The following CDK11B variants were observed in gnomAD, a reference collection of about 807,000 sequenced individuals.
CDK11B encodes cyclin-dependent kinase 11B.
CDK11B carries 37 observed loss-of-function variants against 84.0 expected under a neutral mutation model. The ratio of observed to expected loss-of-function variants is 0.44; its 90% CI spans 0.34 to 0.58. The LOEUF (loss-of-function observed/expected upper bound fraction) is 0.58, where lower values mean the gene tolerates loss of function less well. Ranked by LOEUF, CDK11B falls within the 20% of genes least tolerant of loss-of-function variation. The pLI is 0.02. For missense variants in CDK11B, 427 were observed against 834.0 expected (o/e 0.51, Z 6.01); for synonymous variants, 269 against 309.8 (o/e 0.87, Z 1.38).
intron 9 of CDK11B, 139 bp from the exon 10 acceptor site, chr1:1,641,252 T>A (rs982260212): frequency 2.8e-6 from 4 of 1,406,204 alleles, no homozygotes; most frequent in Non-Finnish European, 3.9e-6. Context: ...CTCACGCCTG[T>A]AATCCCAGCG....
chr1:1,649,432 C>T, intron 5 of CDK11B, 67 bp downstream of exon 5: 1 of 1,232,680 alleles, frequency 8.1e-7, no homozygotes, highest in Non-Finnish European at 1.2e-6. Context: ...AATTCTTCTT[C>T]ATTTCTAGGA....
intron 11 of CDK11B, among the ~76,000 whole-genome samples, chr1:1,639,078 G>GT (rs1639846362): frequency 2.1e-5 from 3 of 140,546 alleles, no homozygotes; most frequent in African/African-American, 8.6e-5. Context: ...GTAGCTGGGA[G>GT]TATAGGTACG....
At chr1:1,653,863 C>CACAG (rs761317190) in intron 3 of CDK11B, among the ~76,000 whole-genome samples, 1 of 132,858 alleles carries the variant, frequency 7.5e-6, no homozygotes, top group Non-Finnish European at 1.5e-5. Context: ...CACACACACA[C>CACAG]CCGAGCGTGG....
In CDK11B at chr1:1,650,126, T is replaced by A. The variant is rs1272333761; in HGVS notation, c.356-489A>T. 6.5e-4 allele frequency among the ~76,000 whole-genome samples: 97 copies of A among 149,156 alleles called. 1 individual carries two copies. The highest frequency in any genetic ancestry group is 8.7e-4 in the Admixed American group (13 of 15,002). ...TCTACTAAAAATACAAAAAATTAGC[T>A]GGGTGTGGTGGCGGGCACCTGTAGT... is the stretch of plus-strand genomic sequence containing the variant. On this transcript the variant is annotated intron_variant, in intron 4 of 19. Coordinates refer to ENST00000341832, the MANE Select transcript of CDK11B (RefSeq NM_033486.3).
At position 1,654,949 on chromosome 1, in the gene CDK11B, C is replaced by T. The variant is rs188978206; in HGVS notation, c.227+420G>A. Among the ~76,000 whole-genome samples, 17 of 152,270 alleles carry T rather than the reference C, an allele frequency of 1.1e-4. No individual in the cohort carries two copies. The East Asian group carries it at 1.2e-3, about 10-fold the overall frequency. On this transcript the variant is annotated intron_variant, in intron 3 of 19. Transcript: ENST00000341832. ...CTGGGATTACAGGCGTGAGCCACCGCGCCCGGCCTTTTTTTCCTTTTAAGA... is the reference window on the plus strand; with the variant it reads ...CTGGGATTACAGGCGTGAGCCACCGTGCCCGGCCTTTTTTTCCTTTTAAGA...
chr1:1,636,627 A>G (rs1362147473), intron 17 of CDK11B, 55 bp downstream of exon 17: 2 of 1,610,634 alleles, frequency 1.2e-6, no homozygotes, highest in Non-Finnish European at 1.7e-6. Flanking sequence ...CCGCAGCCCC[A>G]TTCCTGCAAC....
At chr1:1,653,184 C>G (rs1310782462) in intron 3 of CDK11B, among the ~76,000 whole-genome samples, 1 of 151,728 alleles carries the variant, frequency 6.6e-6, no homozygotes. Context: ...GCCACCACAC[C>G]CGGCTAATTT....
At chr1:1,648,830 C>T (rs1460700051) in intron 5 of CDK11B, among the ~76,000 whole-genome samples, 2 of 152,150 alleles carry the variant, frequency 1.3e-5, no homozygotes, top group Non-Finnish European at 2.9e-5. Context: ...AGTGCAATAG[C>T]ATGGTCATAG....
rs1210787513 is a variant in CDK11B, at chr1:1,639,549, G to A, written c.1251+728C>T. Among the ~76,000 whole-genome samples, 2 of 151,906 alleles carry A rather than the reference G, an allele frequency of 1.3e-5. 1 individual carries two copies. Among genetic ancestry groups the A allele is most frequent in the Non-Finnish European group, 2.9e-5 (2 of 67,894 alleles). On this transcript the variant is annotated intron_variant, in intron 11 of 19. Coordinates refer to ENST00000341832, the MANE Select transcript of CDK11B (RefSeq NM_033486.3). ...CCCATGCCAGGGCACCTACCCCTCCGTGTACCTTGGGGCCGGTGCCCAGGC... is the reference window on the plus strand; with the variant it reads ...CCCATGCCAGGGCACCTACCCCTCCATGTACCTTGGGGCCGGTGCCCAGGC...
intron 2 of CDK11B, among the ~76,000 whole-genome samples, chr1:1,655,773 T>C (rs536118741): frequency 1.5e-4 from 23 of 152,020 alleles, no homozygotes; most frequent in Admixed American, 1.0e-3. Flanking sequence ...AATACAAAAA[T>C]TAGCTGGGCG....
intron 3 of CDK11B, among the ~76,000 whole-genome samples, chr1:1,654,320 T>A (rs1292296758): frequency 6.6e-6 from 1 of 152,202 alleles, no homozygotes; most frequent in Non-Finnish European, 1.5e-5. Flanking sequence ...TACCCCAGTC[T>A]CATCCATTTC....
intron 13 of CDK11B, 53 bp downstream of exon 13, chr1:1,637,709 C>G: frequency 1.2e-6 from 2 of 1,613,486 alleles, no homozygotes; most frequent in South Asian, 2.2e-5. Flanking sequence ...CAGCACGGGG[C>G]CCTGTCAGAA....
rs1438098944 is a variant in CDK11B at position 1,637,343 on chromosome 1, C to A, written c.1570+65G>T. ...GCTGGCCCTCCCTGCAGCACTGTCA[C>A]CGCGGGGGTGACCAGGACCCTGCCC... On this transcript the variant is annotated intron_variant, in intron 14 of 19. Coordinates refer to ENST00000341832, the MANE Select transcript of CDK11B (RefSeq NM_033486.3). 2.1e-4 allele frequency: 334 copies of A among 1,580,612 alleles called. 3 individuals are homozygous for A. The South Asian group carries it at 2.8e-3, about 13-fold the overall frequency.
In CDK11B at chr1:1,636,921, G is replaced by A; in HGVS notation, c.1776C>T (p.Ala592=). The A allele has an allele frequency of 6.2e-7, 1 of 1,606,304 alleles. No homozygotes were observed. The highest frequency in any genetic ancestry group is 8.5e-7 in the Non-Finnish European group (1 of 1,175,040). Reference sequence around the variant, plus strand: ...CCTTGGCACCAAGCAGCAGCTCTGGGGCGCGGTACCACAGGGTCACCACGA... The same window carrying A: ...CCTTGGCACCAAGCAGCAGCTCTGGAGCGCGGTACCACAGGGTCACCACGA... ...TPVVVTLWYR[A]PELLLGAKEY... The change falls in exon 16 of 20, where the codon GCC becomes GCT. Residue 592 remains alanine (A), a synonymous_variant. Transcript: ENST00000341832.
intron 5 of CDK11B, among the ~76,000 whole-genome samples, chr1:1,648,834 G>A (rs1422462084): frequency 2.0e-5 from 3 of 151,788 alleles, no homozygotes; most frequent in Non-Finnish European, 4.4e-5. Flanking sequence ...CAATAGCATG[G>A]TCATAGCTTA....
Position 1,638,964 on chromosome 1 carries a change from G to A in CDK11B, c.1252-374C>T, listed in dbSNP as rs189980122. Reference sequence around the variant, plus strand: ...TTTTTTTTTTTTTTTTTTTTGAGACGGAGTCTCGCTCTGTCACCCAGGCTG... The same window carrying A: ...TTTTTTTTTTTTTTTTTTTTGAGACAGAGTCTCGCTCTGTCACCCAGGCTG... On this transcript the variant is annotated intron_variant, in intron 11 of 19. Coordinates refer to ENST00000341832, the MANE Select transcript of CDK11B (RefSeq NM_033486.3). Among the ~76,000 whole-genome samples, 1,185 of 141,990 alleles carry A rather than the reference G, an allele frequency of 8.3e-3. 24 individuals are homozygous for A. The highest frequency in any genetic ancestry group is 0.029 in the African/African-American group (1,098 of 37,958). 93.2% of individuals were successfully genotyped at this position (141,990 alleles called of 152,430 possible).
At chr1:1,646,415 A>G (rs1641121447) in intron 5 of CDK11B, 1 of 519,424 alleles carries the variant, frequency 1.9e-6, no homozygotes, top group South Asian at 1.4e-5. Flanking sequence ...TCATGATACT[A>G]GCTCAAGTCC....
At chr1:1,650,268 C>CAAAAAAAAAAAAAAAAA (rs1212256890) in intron 4 of CDK11B, among the ~76,000 whole-genome samples, 28 of 45,756 alleles carry the variant, frequency 6.1e-4, no homozygotes, top group African/African-American at 2.0e-3. Flanking sequence ...GACTCCGTCC[C>CAAAAAAAAAAAAAAAAA]AAAAAAAAAA....
rs764959011 is a variant in CDK11B, at chr1:1,640,325, C to T, written c.1203G>A (p.Ser401=). The T allele has an allele frequency of 2.9e-5, 46 of 1,613,542 alleles. 1 individual carries two copies. Among genetic ancestry groups the T allele is most frequent in the South Asian group, 4.4e-5 (4 of 91,078 alleles). ...GCAGCTCCTGCTTGAGCTCGATGGGCGACAGGGCAGGGGAGTCGGGCACAT... is the reference window on the plus strand; with the variant it reads ...GCAGCTCCTGCTTGAGCTCGATGGGTGACAGGGCAGGGGAGTCGGGCACAT... ...GDYVPDSPAL[S]PIELKQELPK... The change falls in exon 11 of 20, where the codon TCG becomes TCA. Residue 401 remains serine (S), a synonymous_variant. Transcript: ENST00000341832.
Sources: gnomAD v4.1 joint callset for allele counts (sites outside exome capture counted in the v4.1 genomes callset) on GRCh38, gnomAD v4.1.1 for gene constraint, MANE v1.5 for transcripts, NCBI Gene and HGNC (gene_info 2026-07-23, HGNC 2026-07-21) for gene names.